RPSA2: variants seen among roughly 807,000 people sequenced by gnomAD.
RPSA2 encodes the protein small ribosomal subunit protein uS2B.
At chr19:23,766,164 T>C in the RPSA2 span, among the ~76,000 whole-genome samples, 2 of 133,982 alleles carry the variant, frequency 1.5e-5, no homozygotes, top group African/African-American at 2.8e-5. Context: ...TTTTTTTTTT[T>C]TTTTTTGAGA....
chr19:23,822,808 A>T, the RPSA2 span, among the ~76,000 whole-genome samples: 1 of 152,074 alleles, frequency 6.6e-6, no homozygotes, highest in Admixed American at 6.5e-5. Flanking sequence ...GTGCATAGGG[A>T]GGAGGGGTTT....
At chr19:23,849,614 A>G in the RPSA2 span, among the ~76,000 whole-genome samples, 11 of 152,160 alleles carry the variant, frequency 7.2e-5, no homozygotes, top group Admixed American at 7.2e-4. Context: ...TTATCTTCCC[A>G]TTTCAAGGGA....
At chr19:23,800,985 T>C in the RPSA2 span, among the ~76,000 whole-genome samples, 1 of 152,136 alleles carries the variant, frequency 6.6e-6, no homozygotes, top group Non-Finnish European at 1.5e-5. Context: ...TCTTCAGACC[T>C]GAAACTGATT....
the RPSA2 span, among the ~76,000 whole-genome samples, chr19:23,796,909 A>AT: frequency 7.0e-6 from 1 of 142,066 alleles, no homozygotes; most frequent in Non-Finnish European, 1.5e-5. Context: ...CTTGATACTG[A>AT]TTTTGGTTAT....
At chr19:23,833,777 A>C in the RPSA2 span, among the ~76,000 whole-genome samples, 1 of 152,106 alleles carries the variant, frequency 6.6e-6, no homozygotes, top group African/African-American at 2.4e-5. Flanking sequence ...AAAGTGCAGA[A>C]GAGTATTTAC....
chr19:23,865,891 G>A, the RPSA2 span, among the ~76,000 whole-genome samples: 1 of 152,144 alleles, frequency 6.6e-6, no homozygotes, highest in Non-Finnish European at 1.5e-5. Flanking sequence ...TTCACTATAG[G>A]GCTGTTAGAA....
At chr19:23,838,236 G>T in the RPSA2 span, among the ~76,000 whole-genome samples, 1 of 152,238 alleles carries the variant, frequency 6.6e-6, no homozygotes, top group East Asian at 1.9e-4. Context: ...TTTATGTGGT[G>T]TATCATTTGT....
chr19:23,860,416 G>A, the RPSA2 span, among the ~76,000 whole-genome samples: 1 of 152,138 alleles, frequency 6.6e-6, no homozygotes, highest in Non-Finnish European at 1.5e-5. Context: ...ACATGGAAAA[G>A]CTGCACATGT....
chr19:23,769,640 G>A, the RPSA2 span, among the ~76,000 whole-genome samples: 2 of 152,132 alleles, frequency 1.3e-5, no homozygotes, highest in Non-Finnish European at 2.9e-5. Flanking sequence ...CACGATGCCC[G>A]GCCGATGTGT....
At chr19:23,837,912 T>C in the RPSA2 span, among the ~76,000 whole-genome samples, 1 of 152,146 alleles carries the variant, frequency 6.6e-6, no homozygotes, top group Non-Finnish European at 1.5e-5. Flanking sequence ...CAGTTTGACT[T>C]CCTGTTTACT....
chr19:23,831,672 G>T, the RPSA2 span: 1 of 227,208 alleles, frequency 4.4e-6, no homozygotes, highest in Admixed American at 4.6e-5. Flanking sequence ...GTAATACTGA[G>T]AAGACATGAA....
the RPSA2 span, among the ~76,000 whole-genome samples, chr19:23,834,180 C>T: frequency 6.6e-6 from 1 of 151,898 alleles, no homozygotes; most frequent in Admixed American, 6.6e-5. Context: ...ATAGCATAAA[C>T]ATTATTTGTA....
the RPSA2 span, among the ~76,000 whole-genome samples, chr19:23,851,052 T>C: frequency 1.3e-5 from 2 of 152,202 alleles, no homozygotes; most frequent in Non-Finnish European, 2.9e-5. Flanking sequence ...GGAAGCCCCA[T>C]AACTGCAAAG....
chr19:23,824,083 T>C, the RPSA2 span, among the ~76,000 whole-genome samples: 1 of 152,174 alleles, frequency 6.6e-6, no homozygotes, highest in Admixed American at 6.5e-5. Flanking sequence ...AGTACAGGGC[T>C]TGTCTTTTAT....
At chr19:23,806,918 G>C in the RPSA2 span, among the ~76,000 whole-genome samples, 1 of 151,740 alleles carries the variant, frequency 6.6e-6, no homozygotes, top group Non-Finnish European at 1.5e-5. Context: ...CCATATAACC[G>C]ATGTTTTCTT....
At chr19:23,860,604 T>A in the RPSA2 span, among the ~76,000 whole-genome samples, 3 of 152,168 alleles carry the variant, frequency 2.0e-5, no homozygotes, top group African/African-American at 7.2e-5. Context: ...GCAAGCTTGC[T>A]GATAGTGATC....
At chr19:23,856,186 G>T in the RPSA2 span, among the ~76,000 whole-genome samples, 2 of 152,026 alleles carry the variant, frequency 1.3e-5, no homozygotes, top group East Asian at 1.9e-4. Flanking sequence ...ACTGCAGGGG[G>T]TTATGGGATT....
the RPSA2 span, among the ~76,000 whole-genome samples, chr19:23,867,060 A>G: frequency 9.2e-5 from 14 of 152,170 alleles, no homozygotes; most frequent in African/African-American, 2.9e-4. Flanking sequence ...AGGAGAAATG[A>G]GGAAATAAAG....
the RPSA2 span, among the ~76,000 whole-genome samples, chr19:23,766,402 A>G: frequency 2.0e-5 from 3 of 151,640 alleles, no homozygotes; most frequent in Admixed American, 1.3e-4. Flanking sequence ...CCCCAATGAG[A>G]TAAAAATGAA....
Sources: allele counts gnomAD v4.1 joint callset (sites outside exome capture counted in the v4.1 genomes callset), GRCh38; gene constraint gnomAD v4.1.1; transcripts MANE v1.5; gene names NCBI Gene and HGNC (gene_info 2026-07-23, HGNC 2026-07-21).